SEMA6A: variants seen among roughly 807,000 people sequenced by gnomAD.
SEMA6A encodes semaphorin-6A.
SEMA6A carries 25 observed loss-of-function variants against 96.8 expected under a neutral mutation model. The ratio of observed to expected loss-of-function variants is 0.26; its 90% CI spans 0.19 to 0.36. SEMA6A has a LOEUF of 0.36. Ranked by LOEUF, SEMA6A falls within the 10% of genes least tolerant of loss-of-function variation. The pLI is 1.00. For missense variants in SEMA6A, 1,363 were observed against 1,323.1 expected (o/e 1.03, Z -0.47); for synonymous variants, 612 against 518.0 (o/e 1.18, Z -2.46).
intron 4 of SEMA6A, 88 bp from the exon 5 acceptor site, chr5:116,496,401 G>C (rs539938889): frequency 1.4e-5 from 15 of 1,061,104 alleles, no homozygotes; most frequent in Middle Eastern, 2.1e-4. Flanking sequence ...GAGACTAAAG[G>C]CTGAACATAT....
intron 17 of SEMA6A, among the ~76,000 whole-genome samples, chr5:116,471,027 T>G (rs568003961): frequency 5.9e-5 from 9 of 152,368 alleles, no homozygotes; most frequent in African/African-American, 2.2e-4. Context: ...TTAACATCCC[T>G]TGCAATGGTT....
intron 12 of SEMA6A, among the ~76,000 whole-genome samples, chr5:116,478,929 AGTGTGTGTGTGTGTGT>A (rs34260068): frequency 6.7e-6 from 1 of 149,248 alleles, no homozygotes; most frequent in Non-Finnish European, 1.5e-5. Context: ...GGTGTGAGAG[AGTGTGTGTGTGTGTGT>A]GTGTGTGTGT....
intron 18 of SEMA6A, among the ~76,000 whole-genome samples, chr5:116,453,929 A>T (rs1251692918): frequency 6.6e-6 from 1 of 152,232 alleles, no homozygotes; most frequent in Non-Finnish European, 1.5e-5. Flanking sequence ...CTATTAAGCT[A>T]AATACAAAGG....
At chr5:116,480,010 C>G (rs1756670156) in intron 12 of SEMA6A, 112 bp downstream of exon 12, 1 of 1,270,768 alleles carries the variant, frequency 7.9e-7, no homozygotes. Context: ...TGAATGAATG[C>G]CCAGGATAGC....
chr5:116,489,284 A>T (rs911933168), intron 7 of SEMA6A, among the ~76,000 whole-genome samples: 1 of 152,118 alleles, frequency 6.6e-6, no homozygotes, highest in African/African-American at 2.4e-5. Flanking sequence ...TAGATGAAAG[A>T]TGTCTGCTTC....
At chr5:116,491,958 A>C (rs1757349826) in intron 6 of SEMA6A, 128 bp from the exon 7 acceptor site, 2 of 697,628 alleles carry the variant, frequency 2.9e-6, no homozygotes, top group East Asian at 5.3e-5. Flanking sequence ...ACCCTGTTGA[A>C]GCCACTTTTA....
chr5:116,452,536 C>G (rs1177209232), intron 18 of SEMA6A, among the ~76,000 whole-genome samples: 2 of 151,902 alleles, frequency 1.3e-5, no homozygotes, highest in African/African-American at 4.8e-5. Flanking sequence ...AGGACCCTGC[C>G]CCTAGACCCT....
At chr5:116,540,956 C>A (rs1000244210) in intron 1 of SEMA6A, among the ~76,000 whole-genome samples, 1 of 152,134 alleles carries the variant, frequency 6.6e-6, no homozygotes, top group Non-Finnish European at 1.5e-5. Flanking sequence ...GTTCTCGATC[C>A]ATCTCAAGAC....
chr5:116,494,216 A>G (rs888432304), intron 6 of SEMA6A, among the ~76,000 whole-genome samples: 2 of 152,166 alleles, frequency 1.3e-5, no homozygotes, highest in African/African-American at 2.4e-5. Context: ...ATCAAATGAG[A>G]TTTCTCAAGC....
intron 1 of SEMA6A, among the ~76,000 whole-genome samples, chr5:116,544,314 G>A (rs889263906): frequency 1.3e-5 from 2 of 151,388 alleles, no homozygotes; most frequent in African/African-American, 4.8e-5. Flanking sequence ...TTGGAGACAT[G>A]GTCTTACTCT....
intron 1 of SEMA6A, among the ~76,000 whole-genome samples, chr5:116,512,561 C>T (rs575913250): frequency 2.0e-5 from 3 of 152,170 alleles, no homozygotes; most frequent in South Asian, 2.1e-4. Flanking sequence ...AAACTGAATT[C>T]GTAAGTACTT....
chr5:116,477,868 T>C lies in SEMA6A; in HGVS notation c.1627A>G (p.Ser543Gly), dbSNP rs759895451. Residue 543 changes from serine to glycine, a missense_variant, in exon 15 of 19, where the codon AGC (serine) becomes GGC (glycine). This residue lies in a region of SEMA6A where 883 missense variants were observed against 763.6 expected (regional missense o/e 1.16). Transcript: ENST00000343348. The part of the protein sequence containing the change: ...CGWIKEGGAC[S>G]HLSPNSRLTF... ...TACCTGCTGTTGGGTGATAAATGGC[T>C]GCAGGCACCACCTTCCTTTATCCAT... is the stretch of plus-strand genomic sequence containing the variant. 6.8e-6 allele frequency: 11 copies of C among 1,613,846 alleles called. No individual in the cohort carries two copies. In the Admixed American group the frequency reaches 1.8e-4, roughly 27 times the overall value.
At chr5:116,549,811 G>A (rs1395974770) in intron 1 of SEMA6A, among the ~76,000 whole-genome samples, 1 of 152,140 alleles carries the variant, frequency 6.6e-6, no homozygotes, top group East Asian at 1.9e-4. Flanking sequence ...AGAGCATTTA[G>A]TAGTATACAA....
intron 1 of SEMA6A, among the ~76,000 whole-genome samples, chr5:116,572,843 C>T (rs1761280008): frequency 6.6e-6 from 1 of 152,130 alleles, no homozygotes; most frequent in South Asian, 2.1e-4. Flanking sequence ...AGCCCCAGTC[C>T]GGTCGTGCCT....
chr5:116,512,753 C>T (rs1758475295), intron 1 of SEMA6A, among the ~76,000 whole-genome samples: 1 of 151,412 alleles, frequency 6.6e-6, no homozygotes, highest in Non-Finnish European at 1.5e-5. Flanking sequence ...GTTTATTGCA[C>T]ATTTATTGCA....
At position 116,446,812 on chromosome 5, in the gene SEMA6A, C is replaced by G. The variant is rs1754242248; in HGVS notation, c.2894G>C (p.Arg965Thr). Residue 965 changes from arginine (R) to threonine (T), a missense_variant, in exon 19 of 19, where the codon AGG (arginine) becomes ACG (threonine). Arg to Thr is a moderately conservative substitution (Grantham distance 71). Around this residue, in one of 2 missense-constraint regions of SEMA6A, gnomAD observed 883 missense variants for 763.6 expected, o/e 1.16. Transcript: ENST00000343348. ...RGDNPPPAPQ[R>T]VDSIQVHSSQ... ...GCTGTGCACCTGGATGGAGTCCACC[C>G]TCTGCGGGGCGGGCGGCGGGTTGTC... is the stretch of plus-strand genomic sequence containing the variant. 1.2e-6 allele frequency: 2 copies of G among 1,613,500 alleles called. No individual in the cohort carries two copies. Among genetic ancestry groups the G allele is most frequent in the Non-Finnish European group, 1.7e-6 (2 of 1,179,744 alleles).
intron 1 of SEMA6A, among the ~76,000 whole-genome samples, chr5:116,541,231 C>T (rs374843044): frequency 6.6e-6 from 1 of 152,192 alleles, no homozygotes; most frequent in African/African-American, 2.4e-5. Flanking sequence ...CCAGTGCATT[C>T]TAAATTCAAA....
chr5:116,525,368 C>T (rs1272554270), intron 1 of SEMA6A, among the ~76,000 whole-genome samples: 2 of 152,102 alleles, frequency 1.3e-5, no homozygotes, highest in Non-Finnish European at 2.9e-5. Context: ...GGATAAAGAG[C>T]TCCTGGCCCA....
Position 116,443,789 on chromosome 5 carries a change from G to A in SEMA6A, c.*2824C>T, listed in dbSNP as rs1754032152. 6.6e-6 allele frequency: 1 copy of A among 152,550 alleles called. No homozygotes were observed. The highest frequency in any genetic ancestry group is 1.5e-5 in the Non-Finnish European group (1 of 68,022). 9.4% of individuals were successfully genotyped at this position (152,550 alleles called of 1,614,324 possible). A position where few individuals can be genotyped will look rare whatever the true frequency, so the allele number is the denominator to read the frequency against. On this transcript the variant is annotated 3_prime_UTR_variant, in exon 19 of 19. Coordinates refer to ENST00000343348, the MANE Select transcript of SEMA6A (RefSeq NM_020796.5). ...GCATCTACCAGTGTCTAGCAAGGGT[G>A]GAAAGCAAAGGCACACTCGGGTTTA...
Sources: gnomAD v4.1 joint callset for allele counts (sites outside exome capture counted in the v4.1 genomes callset) on GRCh38, gnomAD v4.1.1 for gene constraint, gnomAD v4.1.1 regional missense constraint, MANE v1.5 for transcripts, NCBI Gene and HGNC (gene_info 2026-07-23, HGNC 2026-07-21) for gene names.